GNA14: variants seen among roughly 807,000 people sequenced by gnomAD.
The protein encoded by GNA14 is guanine nucleotide-binding protein subunit alpha-14.
GNA14 carries 50 observed loss-of-function variants against 42.0 expected under a neutral mutation model. The observed-to-expected ratio is 1.19, with a 90% CI of 0.95 to 1.51. GNA14 has a LOEUF of 1.51. GNA14 is among the 40% of genes most tolerant of loss of function. The pLI, the probability that GNA14 is intolerant of heterozygous loss-of-function variation, is 0.00. For missense variants in GNA14, 473 were observed against 446.2 expected, an observed-to-expected ratio of 1.06 and a Z score of -0.54; for synonymous variants, 173 against 163.1, an observed-to-expected ratio of 1.06 and a Z score of -0.46.
At chr9:77,435,400 A>G (rs1224655351) in intron 2 of GNA14, among the ~76,000 whole-genome samples, 2 of 152,022 alleles carry the variant, frequency 1.3e-5, no homozygotes, top group Non-Finnish European at 2.9e-5. Flanking sequence ...TACTTTTTAG[A>G]GCAGTTTTAG....
At chr9:77,428,562 C>T (rs1273279906) in intron 5 of GNA14, among the ~76,000 whole-genome samples, 1 of 152,168 alleles carries the variant, frequency 6.6e-6, no homozygotes, top group Non-Finnish European at 1.5e-5. Context: ...GGGTTGGACT[C>T]AGGCACCAGG....
intron 1 of GNA14, among the ~76,000 whole-genome samples, chr9:77,530,406 G>A (rs1440726967): frequency 1.3e-5 from 2 of 152,156 alleles, no homozygotes; most frequent in African/African-American, 2.4e-5. Flanking sequence ...CAGAAGCCGA[G>A]CAGATGTCAG....
At chr9:77,521,237 C>A (rs1353579085) in intron 2 of GNA14, among the ~76,000 whole-genome samples, 2 of 152,084 alleles carry the variant, frequency 1.3e-5, no homozygotes, top group Non-Finnish European at 2.9e-5. Context: ...TTTTAACACC[C>A]ACCAGGACAT....
At chr9:77,595,304 G>A (rs982565800) in intron 1 of GNA14, among the ~76,000 whole-genome samples, 4 of 152,174 alleles carry the variant, frequency 2.6e-5, no homozygotes, top group Admixed American at 2.0e-4. Context: ...ATTATAAATG[G>A]GAATGTGCCT....
intron 1 of GNA14, among the ~76,000 whole-genome samples, chr9:77,641,020 A>T (rs1285428145): frequency 7.0e-6 from 1 of 142,154 alleles, no homozygotes; most frequent in Non-Finnish European, 1.5e-5. Context: ...ATTGAGGGAA[A>T]AAAACCTAGG....
rs537656138 is a variant in GNA14, at chr9:77,455,302, T to C, written c.310-20780A>G. On this transcript the variant is annotated intron_variant, in intron 2 of 6. Transcript: ENST00000341700. The stretch of plus-strand genomic sequence containing the variant: ...CCTTCTTCAAGGCTAGCAGAGACTC[T>C]CCTTGAACTCTAGATCTTCTTTAAT... 1.2e-4 allele frequency among the ~76,000 whole-genome samples: 18 copies of C among 152,340 alleles called. No homozygotes were observed. In the East Asian group the frequency reaches 3.5e-3, roughly 29 times the overall value.
chr9:77,461,713 A>G (rs1221377668), intron 2 of GNA14, among the ~76,000 whole-genome samples: 2 of 151,878 alleles, frequency 1.3e-5, no homozygotes, highest in East Asian at 3.9e-4. Flanking sequence ...CCCCCCAAAC[A>G]TGCTTCTCTT....
At chr9:77,460,630 C>T (rs1836087076) in intron 2 of GNA14, among the ~76,000 whole-genome samples, 2 of 152,098 alleles carry the variant, frequency 1.3e-5, no homozygotes, top group African/African-American at 4.8e-5. Context: ...CAGGTCCTCA[C>T]GGGAGCTCCT....
At chr9:77,570,626 T>G (rs1332049803) in intron 1 of GNA14, among the ~76,000 whole-genome samples, 1 of 152,238 alleles carries the variant, frequency 6.6e-6, no homozygotes, top group Admixed American at 6.5e-5. Flanking sequence ...ACATTTTGTT[T>G]ATTTTTTCAT....
At chr9:77,532,292 C>T (rs1837540684) in intron 1 of GNA14, among the ~76,000 whole-genome samples, 2 of 152,180 alleles carry the variant, frequency 1.3e-5, no homozygotes, top group Non-Finnish European at 2.9e-5. Context: ...CTTATTTCCC[C>T]CAAGTACATG....
chr9:77,614,152 C>T (rs529863781), intron 1 of GNA14, among the ~76,000 whole-genome samples: 3 of 152,266 alleles, frequency 2.0e-5, no homozygotes, highest in South Asian at 2.1e-4. Flanking sequence ...CTCCATGCAG[C>T]GATTCAGAGC....
chr9:77,437,562 A>AAG (rs879376486), intron 2 of GNA14, among the ~76,000 whole-genome samples: 57 of 146,464 alleles, frequency 3.9e-4, no homozygotes, highest in Middle Eastern at 6.8e-3. Context: ...GAGAGAGAGA[A>AAG]AGAGAGAGAG....
At chr9:77,578,417 T>A (rs537974592) in intron 1 of GNA14, among the ~76,000 whole-genome samples, 1 of 152,322 alleles carries the variant, frequency 6.6e-6, no homozygotes, top group Admixed American at 6.5e-5. Flanking sequence ...CTAGGGCCAA[T>A]GACAGTTTTA....
At chr9:77,491,697 T>C (rs1836778024) in intron 2 of GNA14, among the ~76,000 whole-genome samples, 2 of 152,146 alleles carry the variant, frequency 1.3e-5, no homozygotes, top group Non-Finnish European at 2.9e-5. Flanking sequence ...GAGAGACAGA[T>C]TGCAATACAA....
chr9:77,452,894 G>C (rs556463714), intron 2 of GNA14, among the ~76,000 whole-genome samples: 1 of 151,968 alleles, frequency 6.6e-6, no homozygotes, highest in Admixed American at 6.6e-5. Flanking sequence ...GGACACAGGA[G>C]GCTGAGGCAG....
chr9:77,581,382 T>C (rs1216668181), intron 1 of GNA14, among the ~76,000 whole-genome samples: 2 of 152,224 alleles, frequency 1.3e-5, no homozygotes, highest in East Asian at 3.9e-4. Context: ...GCAAATCTTC[T>C]AACCTCTCTG....
At position 77,431,024 on chromosome 9, in the gene GNA14, T is replaced by TGTGTGTGTGTGTGTG. The variant is rs1554686110; in HGVS notation, c.593+296_593+297insCACACACACACACAC. Among the ~76,000 whole-genome samples, 828 of 101,504 alleles carry TGTGTGTGTGTGTGTG rather than the reference T, an allele frequency of 8.2e-3. 10 individuals carry two copies. The highest frequency in any genetic ancestry group is 0.021 in the East Asian group (84 of 4,004). The allele number at this position is 101,504 out of a possible 152,430, so 66.6% of individuals were successfully genotyped here. A position where few individuals can be genotyped will look rare whatever the true frequency, so the allele number is the denominator to read the frequency against. On this transcript the variant is annotated intron_variant, in intron 4 of 6. Coordinates refer to ENST00000341700, the MANE Select transcript of GNA14 (RefSeq NM_004297.4). ...ATTTGTGGGATACAGAAGTATACAT[T>TGTGTGTGTGTGTGTG]TGTGTGTGTGTGTGTGTGTGTGTGT...
intron 2 of GNA14, among the ~76,000 whole-genome samples, chr9:77,437,697 C>T (rs535070457): frequency 6.6e-6 from 1 of 152,230 alleles, no homozygotes; most frequent in African/African-American, 2.4e-5. Context: ...ATGCACCACA[C>T]TCATTTTCAT....
At chr9:77,612,064 G>C (rs1397643878) in intron 1 of GNA14, among the ~76,000 whole-genome samples, 1 of 152,088 alleles carries the variant, frequency 6.6e-6, no homozygotes, top group African/African-American at 2.4e-5. Flanking sequence ...TTATTATTGA[G>C]TGGTTATAAT....
Sources: gnomAD v4.1 joint callset for allele counts (sites outside exome capture counted in the v4.1 genomes callset) on GRCh38, gnomAD v4.1.1 for gene constraint, MANE v1.5 for transcripts, NCBI Gene and HGNC (gene_info 2026-07-23, HGNC 2026-07-21) for gene names.